The following COX7B2 variants were observed in gnomAD, a reference collection of about 807,000 sequenced individuals.
COX7B2 encodes cytochrome c oxidase subunit 7B2, mitochondrial.
For missense variants in COX7B2, 109 were observed against 95.9 expected (o/e 1.14, Z -0.57); for synonymous variants, 37 against 32.1 (o/e 1.15, Z -0.51).
At chr4:46,887,234 G>A (rs1433713529) in intron 1 of COX7B2, among the ~76,000 whole-genome samples, 4 of 152,010 alleles carry the variant, frequency 2.6e-5, no homozygotes, top group Non-Finnish European at 5.9e-5. Flanking sequence ...CACCCTAAAG[G>A]GTATGGGCAA....
intron 1 of COX7B2, among the ~76,000 whole-genome samples, chr4:46,882,161 G>A (rs1718789306): frequency 6.6e-6 from 1 of 152,150 alleles, no homozygotes; most frequent in Admixed American, 6.5e-5. Flanking sequence ...CTGAGAGTGT[G>A]TTTGGTATGG....
chr4:46,756,771 A>G (rs144506976), intron 2 of COX7B2, among the ~76,000 whole-genome samples: 56 of 152,158 alleles, frequency 3.7e-4, no homozygotes, highest in African/African-American at 1.3e-3. Context: ...TCAGAATGGG[A>G]AAGTCTAAAA....
At chr4:46,805,080 C>A (rs1038238937) in intron 2 of COX7B2, among the ~76,000 whole-genome samples, 1 of 152,202 alleles carries the variant, frequency 6.6e-6, no homozygotes, top group Admixed American at 6.5e-5. Flanking sequence ...TGGCCAGCCA[C>A]TCCGAGTGCA....
chr4:46,869,498 T>G lies in COX7B2; in HGVS notation c.-104-24484A>C, dbSNP rs546105215. ...TGTGTGTTTAAGTGTCTTTTTGTAATAGCTCATGTGAACTTTCCTTTCTAT... is the reference window on the plus strand; with the variant it reads ...TGTGTGTTTAAGTGTCTTTTTGTAAGAGCTCATGTGAACTTTCCTTTCTAT... On this transcript the variant is annotated intron_variant, in intron 1 of 2. Coordinates refer to ENST00000355591, the MANE Select transcript of COX7B2 (RefSeq NM_130902.3). Among the ~76,000 whole-genome samples, 64 of 152,260 alleles carry G rather than the reference T, an allele frequency of 4.2e-4. No individual in the cohort carries two copies. The East Asian group carries it at 8.5e-3, about 20-fold the overall frequency.
chr4:46,791,252 TC>T (rs1390913492), intron 2 of COX7B2, among the ~76,000 whole-genome samples: 6 of 151,536 alleles, frequency 4.0e-5, no homozygotes, highest in Admixed American at 3.9e-4. Flanking sequence ...CTCGTGATCC[TC>T]CCGCCTTGGC....
intron 2 of COX7B2, among the ~76,000 whole-genome samples, chr4:46,805,007 G>T: frequency 6.6e-6 from 1 of 152,306 alleles, no homozygotes; most frequent in South Asian, 2.1e-4. Flanking sequence ...GGCCCGGCAA[G>T]AAGTCGAGCA....
chr4:46,908,545 A>G (rs1426859831), intron 1 of COX7B2, among the ~76,000 whole-genome samples: 1 of 152,186 alleles, frequency 6.6e-6, no homozygotes, highest in Non-Finnish European at 1.5e-5. Context: ...CAGTTCTGCC[A>G]GAGTGCAACA....
chr4:46,900,441 T>G (rs1465563853), intron 1 of COX7B2, among the ~76,000 whole-genome samples: 1 of 152,226 alleles, frequency 6.6e-6, no homozygotes, highest in East Asian at 1.9e-4. Flanking sequence ...GCTTCTTGAG[T>G]AGAACAACTG....
At chr4:46,836,546 A>T (rs1715527860) in intron 2 of COX7B2, among the ~76,000 whole-genome samples, 1 of 152,022 alleles carries the variant, frequency 6.6e-6, no homozygotes, top group African/African-American at 2.4e-5. Context: ...TTCTTCTGGA[A>T]TATCCTATGG....
intron 1 of COX7B2, among the ~76,000 whole-genome samples, chr4:46,883,930 C>T (rs1356482017): frequency 1.3e-5 from 2 of 152,024 alleles, no homozygotes; most frequent in Non-Finnish European, 2.9e-5. Context: ...CTGGAGAATC[C>T]TTTGTAGGTA....
intron 1 of COX7B2, among the ~76,000 whole-genome samples, chr4:46,886,217 T>C (rs533597555): frequency 1.3e-5 from 2 of 152,220 alleles, no homozygotes; most frequent in East Asian, 3.9e-4. Flanking sequence ...TTAAAAGCAC[T>C]CAAAAACAAA....
intron 1 of COX7B2, among the ~76,000 whole-genome samples, chr4:46,891,634 A>G (rs1719434800): frequency 1.3e-5 from 2 of 152,232 alleles, no homozygotes. Flanking sequence ...TCCCTTTGAA[A>G]TACATGTAGT....
At chr4:46,747,698 A>G (rs544734531) in intron 2 of COX7B2, among the ~76,000 whole-genome samples, 2 of 152,306 alleles carry the variant, frequency 1.3e-5, no homozygotes, top group African/African-American at 4.8e-5. Context: ...AAGTGCAACC[A>G]TATATAATCA....
intron 2 of COX7B2, among the ~76,000 whole-genome samples, chr4:46,751,251 A>G (rs905118379): frequency 6.6e-6 from 1 of 152,018 alleles, no homozygotes; most frequent in Non-Finnish European, 1.5e-5. Context: ...TACTGTTTCA[A>G]TTACTTCAAA....
At chr4:46,829,047 G>C (rs1422103623) in intron 2 of COX7B2, among the ~76,000 whole-genome samples, 2 of 152,118 alleles carry the variant, frequency 1.3e-5, no homozygotes, top group Non-Finnish European at 2.9e-5. Flanking sequence ...GACAACAGCA[G>C]TATTCTAAGC....
chr4:46,815,045 G>A (rs1361567548), intron 2 of COX7B2, among the ~76,000 whole-genome samples: 1 of 152,004 alleles, frequency 6.6e-6, no homozygotes, highest in Non-Finnish European at 1.5e-5. Flanking sequence ...AATTAGCCAG[G>A]CGTGGTGGTG....
At chr4:46,778,876 A>G (rs916129498) in intron 2 of COX7B2, among the ~76,000 whole-genome samples, 2 of 152,202 alleles carry the variant, frequency 1.3e-5, no homozygotes, top group Non-Finnish European at 2.9e-5. Context: ...TTAAAACAAT[A>G]ATATTTTATG....
intron 1 of COX7B2, among the ~76,000 whole-genome samples, chr4:46,865,562 T>C (rs908037317): frequency 1.3e-5 from 2 of 152,160 alleles, no homozygotes; most frequent in Non-Finnish European, 2.9e-5. Context: ...TTGATCATAA[T>C]ACTCTTTCTC....
intron 2 of COX7B2, among the ~76,000 whole-genome samples, chr4:46,784,908 A>C (rs936724458): frequency 6.6e-6 from 1 of 152,370 alleles, no homozygotes; most frequent in South Asian, 2.1e-4. Context: ...ATCATATTTC[A>C]CTTCACAACA....
Sources: gnomAD v4.1 joint callset for allele counts (sites outside exome capture counted in the v4.1 genomes callset) on GRCh38, gnomAD v4.1.1 for gene constraint, MANE v1.5 for transcripts, NCBI Gene and HGNC (gene_info 2026-07-23, HGNC 2026-07-21) for gene names.